Variants in VWA3B observed in about 807,000 individuals in gnomAD.
VWA3B encodes von Willebrand factor A domain-containing protein 3B.
VWA3B carries 138 observed loss-of-function variants against 158.3 expected under a neutral mutation model. The observed-to-expected ratio is 0.87, with a 90% confidence interval of 0.76 to 1.00. VWA3B has a LOEUF of 1.00. Ranked by LOEUF, VWA3B falls within the 50% of genes least tolerant of loss-of-function variation. The pLI is 0.00. For synonymous variants in VWA3B, 596 were observed against 587.3 expected (o/e 1.01, Z -0.21); for missense variants, 1,555 against 1,565.1 (o/e 0.99, Z 0.11).
At chr2:98,200,207 C>T (rs1682413589) in intron 12 of VWA3B, among the ~76,000 whole-genome samples, 1 of 151,910 alleles carries the variant, frequency 6.6e-6, no homozygotes, top group African/African-American at 2.4e-5. Context: ...TGTTTGTTTT[C>T]TTAAGATTGA....
rs1339717737 is a variant in VWA3B at position 98,236,735 on chromosome 2, A to G, written c.2673+5A>G. ...GTGTCTAAGGTCTTTGATGAGGTAA[A>G]CTGATTGTCTATACGTCCCTACTTG... is the stretch of plus-strand genomic sequence containing the variant. On this transcript the variant is annotated splice_donor_5th_base_variant and intron_variant, in intron 19 of 27. Coordinates refer to ENST00000477737, the MANE Select transcript of VWA3B (RefSeq NM_144992.5). The G allele has an allele frequency of 1.1e-5, 17 of 1,610,658 alleles. No homozygotes were observed. The highest frequency in any genetic ancestry group is 1.4e-5 in the Non-Finnish European group (16 of 1,179,026).
intron 13 of VWA3B, among the ~76,000 whole-genome samples, chr2:98,215,450 AC>A (rs1042015378): frequency 6.7e-6 from 1 of 148,386 alleles, no homozygotes; most frequent in African/African-American, 2.6e-5. Flanking sequence ...AAAAAAAAAA[AC>A]AAAAAACAAA....
chr2:98,113,712 C>T (rs1674318734), intron 2 of VWA3B, among the ~76,000 whole-genome samples: 1 of 152,182 alleles, frequency 6.6e-6, no homozygotes, highest in Non-Finnish European at 1.5e-5. Context: ...CCTAAACTTT[C>T]TCTATAGATT....
In VWA3B at chr2:98,270,899, G is replaced by A. The variant is rs1440102013; in HGVS notation, c.3045+16G>A. On this transcript the variant is annotated intron_variant, in intron 22 of 27. Coordinates refer to ENST00000477737, the MANE Select transcript of VWA3B (RefSeq NM_144992.5). ...CCCGGGAGAGGTGGGTGCCCTGGAG[G>A]TCTCTGTCTTTCCTCCCTCTCTGCC... The A allele has an allele frequency of 1.2e-6, 2 of 1,612,142 alleles. No homozygotes were observed. Among genetic ancestry groups the A allele is most frequent in the East Asian group, 2.2e-5 (1 of 44,848 alleles).
chr2:98,298,072 T>C, intron 24 of VWA3B, 41 bp downstream of exon 24: 2 of 1,412,928 alleles, frequency 1.4e-6, no homozygotes, highest in Non-Finnish European at 1.9e-6. Flanking sequence ...CTTTTCACCA[T>C]CCACAGAGTT....
intron 2 of VWA3B, among the ~76,000 whole-genome samples, chr2:98,110,676 A>G (rs1006113869): frequency 1.3e-5 from 2 of 152,206 alleles, no homozygotes; most frequent in African/African-American, 4.8e-5. Context: ...CTTTTAGTGT[A>G]TCCATCATCT....
chr2:98,146,488 A>G (rs1352941250), intron 7 of VWA3B, among the ~76,000 whole-genome samples: 1 of 152,116 alleles, frequency 6.6e-6, no homozygotes, highest in Non-Finnish European at 1.5e-5. Flanking sequence ...GCGAAGCCCT[A>G]CCTCTTTGCC....
intron 26 of VWA3B, among the ~76,000 whole-genome samples, chr2:98,306,231 G>A (rs989017615): frequency 9.2e-5 from 14 of 151,784 alleles, no homozygotes; most frequent in African/African-American, 2.7e-4. Flanking sequence ...ACGGCAACCC[G>A]TAGAGGTTTC....
At chr2:98,303,868 G>T in intron 26 of VWA3B, 66 bp downstream of exon 26, 2 of 1,486,798 alleles carry the variant, frequency 1.3e-6, no homozygotes, top group South Asian at 1.2e-5. Flanking sequence ...ATCTGTTTTT[G>T]AGATGAGATC....
At position 98,140,557 on chromosome 2, in the gene VWA3B, C is replaced by T. The variant is rs576144340; in HGVS notation, c.988+6618C>T. Among the ~76,000 whole-genome samples, 7 of 152,304 alleles carry T rather than the reference C, an allele frequency of 4.6e-5. 1 individual carries two copies. The highest frequency in any genetic ancestry group is 2.0e-4 in the Admixed American group (3 of 15,304). On this transcript the variant is annotated intron_variant, in intron 7 of 27. Coordinates refer to ENST00000477737, the MANE Select transcript of VWA3B (RefSeq NM_144992.5). Reference sequence around the variant, plus strand: ...GTTCCGTTAAGGAGGCAGCACCTTCCCTCCCATACTTCTCTGTGTGAAGGT... The same window carrying T: ...GTTCCGTTAAGGAGGCAGCACCTTCTCTCCCATACTTCTCTGTGTGAAGGT...
chr2:98,317,357 T>A (rs1691109984), downstream of VWA3B, among the ~76,000 whole-genome samples: 1 of 152,148 alleles, frequency 6.6e-6, no homozygotes, highest in Admixed American at 6.5e-5. Flanking sequence ...TGAGTGGCCT[T>A]CCTCCTAGGC....
chr2:98,116,564 T>TG (rs1368464393), intron 3 of VWA3B, among the ~76,000 whole-genome samples: 1 of 152,212 alleles, frequency 6.6e-6, no homozygotes, highest in East Asian at 1.9e-4. Flanking sequence ...TGGAGTGCAG[T>TG]GGTGTGTTCA....
intron 12 of VWA3B, chr2:98,207,030 C>T (rs569179124): frequency 2.0e-6 from 1 of 496,550 alleles, no homozygotes; most frequent in Non-Finnish European, 4.1e-6. Flanking sequence ...ACTTCAGAGA[C>T]CAAGAAGTTC....
At chr2:98,211,617 C>T (rs1006318816) in intron 12 of VWA3B, among the ~76,000 whole-genome samples, 4 of 152,092 alleles carry the variant, frequency 2.6e-5, no homozygotes, top group Admixed American at 6.5e-5. Flanking sequence ...TGTTGACAGA[C>T]GAGTGAGCAG....
chr2:98,174,824 TG>T (rs1176384661), intron 8 of VWA3B, among the ~76,000 whole-genome samples: 6 of 152,316 alleles, frequency 3.9e-5, no homozygotes, highest in African/African-American at 1.4e-4. Flanking sequence ...GAGGGAGAGT[TG>T]TTAACTGCTA....
chr2:98,247,364 G>A (rs903659982), intron 19 of VWA3B, among the ~76,000 whole-genome samples: 3 of 152,006 alleles, frequency 2.0e-5, no homozygotes, highest in African/African-American at 7.3e-5. Context: ...CACAATGGGG[G>A]ATTTTAGTAC....
chr2:98,259,395 G>A (rs1687344952), intron 21 of VWA3B, among the ~76,000 whole-genome samples: 1 of 151,502 alleles, frequency 6.6e-6, no homozygotes, highest in Admixed American at 6.6e-5. Flanking sequence ...CCTTTGTTGG[G>A]GGATTTTTTA....
chr2:98,131,176 C>T (rs1300213346), intron 6 of VWA3B, among the ~76,000 whole-genome samples: 1 of 152,202 alleles, frequency 6.6e-6, no homozygotes, highest in Non-Finnish European at 1.5e-5. Flanking sequence ...AACTTTTCCA[C>T]CTCCTACCCA....
intron 2 of VWA3B, among the ~76,000 whole-genome samples, chr2:98,112,281 GGTGTGT>G (rs61436618): frequency 1.6e-4 from 23 of 148,284 alleles, no homozygotes; most frequent in Non-Finnish European, 2.5e-4. Flanking sequence ...GTCTGTTTGG[GGTGTGT>G]GTGTGTGTGT....
Sources: gnomAD v4.1 joint callset for allele counts (sites outside exome capture counted in the v4.1 genomes callset) on GRCh38, gnomAD v4.1.1 for gene constraint, MANE v1.5 for transcripts, NCBI Gene and HGNC (gene_info 2026-07-23, HGNC 2026-07-21) for gene names.